The following ZNF92 variants were observed in gnomAD, a reference collection of about 807,000 sequenced individuals.
The protein encoded by ZNF92 is epididymis luminal protein 203.
Under a neutral mutation model 12.4 loss-of-function variants are expected in ZNF92, and 11 were observed. That is an observed-to-expected ratio of 0.89 (90% CI 0.56 to 1.47). ZNF92 has a LOEUF of 1.47. Among genes scored for constraint, ZNF92 ranks in the 40% most tolerant of loss-of-function variants. ZNF92 has a pLI of 0.00. For synonymous variants in ZNF92, 206 were observed against 228.6 expected (o/e 0.90, Z 0.89); for missense variants, 622 against 681.0 (o/e 0.91, Z 0.96).
rs374452254 is a variant in ZNF92, at chr7:65,399,484, A to C, written c.1370A>C (p.Glu457Ala). The C allele has an allele frequency of 1.2e-4, 201 of 1,613,462 alleles. No individual in the cohort carries two copies. Among genetic ancestry groups the C allele is most frequent in the Non-Finnish European group, 1.7e-4 (198 of 1,179,764 alleles). The change falls in exon 4 of 4, where the codon GAA becomes GCA. Residue 457 changes from glutamate to alanine, a missense_variant. Glu to Ala is a moderately radical substitution (Grantham distance 107, BLOSUM62 -1). Coordinates refer to ENST00000328747, the MANE Select transcript of ZNF92 (RefSeq NM_152626.4). ...HMEDKPYKCE[E>A]CGKAFSVFST... ...GAAGATAAACCCTACAAATGTGAAG[A>C]ATGTGGCAAAGCCTTTAGTGTATTC...
chr7:65,384,018 T>C (rs1327086693), intron 1 of ZNF92, among the ~76,000 whole-genome samples: 1 of 152,134 alleles, frequency 6.6e-6, no homozygotes, highest in Non-Finnish European at 1.5e-5. Context: ...GCCGCTTCTT[T>C]ATATTGTTGT....
chr7:65,389,950 G>T (rs1460123077), intron 3 of ZNF92, among the ~76,000 whole-genome samples: 1 of 151,862 alleles, frequency 6.6e-6, no homozygotes, highest in Non-Finnish European at 1.5e-5. Context: ...TCCTGCCTCA[G>T]CCTGCCAAGT....
At position 65,400,384 on chromosome 7, in the gene ZNF92, T is replaced by A. The variant is rs1314377053; in HGVS notation, c.*509T>A. On this transcript the variant is annotated 3_prime_UTR_variant, in exon 4 of 4. Coordinates refer to ENST00000328747, the MANE Select transcript of ZNF92 (RefSeq NM_152626.4). ...GGGAATTTGTATTGGAGAAAAACCC[T>A]GCAAATGTAATAAATATGGAAAAAC... 1 of 152,056 alleles carries A rather than the reference T, an allele frequency of 6.6e-6. No homozygotes were observed. The allele number at this position is 152,056 out of a possible 1,614,324, so 9.4% of individuals were successfully genotyped here. A position where few individuals can be genotyped will look rare whatever the true frequency, so the allele number is the denominator to read the frequency against.
At chr7:65,392,890 C>T (rs1793753113) in intron 3 of ZNF92, among the ~76,000 whole-genome samples, 1 of 150,628 alleles carries the variant, frequency 6.6e-6, no homozygotes, top group Non-Finnish European at 1.5e-5. Context: ...CCTCTCTCTA[C>T]AACTTTTCAA....
intron 3 of ZNF92, among the ~76,000 whole-genome samples, chr7:65,395,502 A>G (rs1054634720): frequency 6.6e-6 from 1 of 152,106 alleles, no homozygotes; most frequent in Non-Finnish European, 1.5e-5. Context: ...TTGGATGTTC[A>G]TGTTCTTCAA....
chr7:65,399,322 G>T lies in ZNF92; in HGVS notation c.1208G>T (p.Gly403Val), dbSNP rs752242220. 6.2e-7 allele frequency: 1 copy of T among 1,612,960 alleles called. No homozygotes were observed. Among genetic ancestry groups the T allele is most frequent in the South Asian group, 1.1e-5 (1 of 90,944 alleles). ...AAACCCTACAAATGTGAAGAATGTGGCAAAGCTTTTAAACAGTCCTCAACC... is the reference window on the plus strand; with the variant it reads ...AAACCCTACAAATGTGAAGAATGTGTCAAAGCTTTTAAACAGTCCTCAACC... ...GEKPYKCEEC[G>V]KAFKQSSTLT... Residue 403 changes from glycine to valine, a missense_variant, in exon 4 of 4, where the codon GGC (glycine) becomes GTC (valine). Gly to Val is a moderately radical substitution (Grantham distance 109, BLOSUM62 -3). Coordinates refer to ENST00000328747, the MANE Select transcript of ZNF92 (RefSeq NM_152626.4).
intron 1 of ZNF92, 145 bp downstream of exon 1, chr7:65,374,145 G>C (rs1206150952): frequency 5.0e-5 from 58 of 1,164,226 alleles, no homozygotes; most frequent in Non-Finnish European, 6.7e-5. Context: ...TCGGCCCTCA[G>C]TCTCCTTCAG....
chr7:65,399,365 A>T lies in ZNF92; in HGVS notation c.1251A>T (p.Ile417=). ...KQSSTLTEHK[I]IHTGEKPYKC... Reference sequence around the variant, plus strand: ...CCTCAACCCTTACTGAACATAAGATAATTCATACTGGAGAGAAACCCTACA... The same window carrying T: ...CCTCAACCCTTACTGAACATAAGATTATTCATACTGGAGAGAAACCCTACA... Residue 417 remains isoleucine, a synonymous_variant, in exon 4 of 4, where the codon ATA becomes ATT. Coordinates refer to ENST00000328747, the MANE Select transcript of ZNF92 (RefSeq NM_152626.4). The T allele has an allele frequency of 6.2e-7, 1 of 1,613,710 alleles. No homozygotes were observed. Among genetic ancestry groups the T allele is most frequent in the Middle Eastern group, 1.7e-4 (1 of 6,060 alleles).
At chr7:65,374,500 G>C (rs544813075) in intron 1 of ZNF92, among the ~76,000 whole-genome samples, 2 of 151,964 alleles carry the variant, frequency 1.3e-5, no homozygotes, top group Non-Finnish European at 2.9e-5. Context: ...TGTGGTCCGT[G>C]GGAGGGGCTT....
chr7:65,399,524 A>T lies in ZNF92; in HGVS notation c.1410A>T (p.Lys470Asn). 6.2e-7 allele frequency: 1 copy of T among 1,613,452 alleles called. No individual in the cohort carries two copies. Residue 470 changes from lysine (K) to asparagine (N), a missense_variant, in exon 4 of 4, where the codon AAA becomes AAT. Coordinates refer to ENST00000328747, the MANE Select transcript of ZNF92 (RefSeq NM_152626.4). Reference sequence around the variant, plus strand: ...TTAGTGTATTCTCAACCCTTACTAAACATAAAATAATTCATACTAGAGAAA... The same window carrying T: ...TTAGTGTATTCTCAACCCTTACTAATCATAAAATAATTCATACTAGAGAAA... ...KAFSVFSTLT[K>N]HKIIHTREKP...
intron 1 of ZNF92, among the ~76,000 whole-genome samples, chr7:65,382,941 G>T (rs1345101745): frequency 6.6e-6 from 1 of 152,022 alleles, no homozygotes; most frequent in Non-Finnish European, 1.5e-5. Context: ...TTTATCTCTT[G>T]AAACTGCTTG....
intron 1 of ZNF92, among the ~76,000 whole-genome samples, chr7:65,378,838 T>C (rs905460775): frequency 6.6e-6 from 1 of 152,180 alleles, no homozygotes; most frequent in African/African-American, 2.4e-5. Context: ...TATCTGACTA[T>C]GTGATAGGTA....
intron 1 of ZNF92, among the ~76,000 whole-genome samples, chr7:65,382,682 T>C (rs1793453131): frequency 6.6e-6 from 1 of 152,102 alleles, no homozygotes; most frequent in South Asian, 2.1e-4. Flanking sequence ...ATGCATGCAT[T>C]GAGTAGACAT....
chr7:65,393,435 T>G (rs1196881021), intron 3 of ZNF92, among the ~76,000 whole-genome samples: 1 of 151,772 alleles, frequency 6.6e-6, no homozygotes, highest in Non-Finnish European at 1.5e-5. Context: ...CTTCAGCCTT[T>G]TGGCTTTTGT....
intron 3 of ZNF92, among the ~76,000 whole-genome samples, chr7:65,390,292 C>T (rs941585623): frequency 6.6e-6 from 1 of 151,974 alleles, no homozygotes; most frequent in African/African-American, 2.4e-5. Flanking sequence ...TTTTTAAATT[C>T]TTTTGCCACA....
intron 1 of ZNF92, among the ~76,000 whole-genome samples, chr7:65,385,398 T>G (rs539123164): frequency 6.6e-6 from 1 of 152,232 alleles, no homozygotes; most frequent in African/African-American, 2.4e-5. Flanking sequence ...CATATTGCTT[T>G]AAGGGCCTCA....
chr7:65,391,630 A>G (rs1316034730), intron 3 of ZNF92, among the ~76,000 whole-genome samples: 1 of 152,150 alleles, frequency 6.6e-6, no homozygotes, highest in East Asian at 1.9e-4. Context: ...ATTCAGCAAA[A>G]TAAAAATTTT....
chr7:65,378,092 C>T (rs896753075), intron 1 of ZNF92, among the ~76,000 whole-genome samples: 2 of 151,848 alleles, frequency 1.3e-5, no homozygotes, highest in African/African-American at 4.8e-5. Flanking sequence ...TGGCTCATGC[C>T]TGTAATTCCA....
intron 1 of ZNF92, among the ~76,000 whole-genome samples, chr7:65,382,161 T>C (rs966356566): frequency 5.9e-5 from 9 of 152,180 alleles, no homozygotes; most frequent in Admixed American, 5.9e-4. Context: ...GAACTATGTA[T>C]AACATGGTAC....
Sources: gnomAD v4.1 joint callset for allele counts (sites outside exome capture counted in the v4.1 genomes callset) on GRCh38, gnomAD v4.1.1 for gene constraint, MANE v1.5 for transcripts, NCBI Gene and HGNC (gene_info 2026-07-23, HGNC 2026-07-21) for gene names.